Variants in TSC22D1 observed in about 807,000 individuals in gnomAD.
TSC22D1 encodes TSC22 domain family member 1, also known as TSC22 domain family protein 1.
Under a neutral mutation model 74.2 loss-of-function variants are expected in TSC22D1, and 9 were observed. The ratio of observed to expected loss-of-function variants is 0.12; its 90% CI spans 0.07 to 0.21. The LOEUF (loss-of-function observed/expected upper bound fraction) is 0.21, where lower values mean the gene tolerates loss of function less well. Among genes scored for constraint, TSC22D1 ranks in the 10% least tolerant of loss-of-function variants. The probability of loss-of-function intolerance (pLI) is 1.00; values close to 1 mark genes in which losing one functional copy is unlikely to be tolerated. For synonymous variants in TSC22D1, 586 were observed against 492.5 expected (o/e 1.19, Z -2.51); for missense variants, 1,427 against 1,304.7 (o/e 1.09, Z -1.44).
intron 1 of TSC22D1, among the ~76,000 whole-genome samples, chr13:44,499,324 A>AT (rs1443740636): frequency 5.3e-5 from 8 of 152,232 alleles, no homozygotes; most frequent in African/African-American, 1.9e-4. Context: ...GACAATCTGA[A>AT]TGTACCCAGG....
intron 1 of TSC22D1, among the ~76,000 whole-genome samples, chr13:44,558,536 T>TC (rs1882836817): frequency 1.3e-5 from 2 of 152,006 alleles, no homozygotes; most frequent in Admixed American, 1.3e-4. Flanking sequence ...GCTCAGAAGT[T>TC]CAAGACCAGC....
intron 1 of TSC22D1, among the ~76,000 whole-genome samples, chr13:44,520,677 A>G (rs377051638): frequency 6.6e-6 from 1 of 152,212 alleles, no homozygotes. Context: ...GATATAGAGC[A>G]TAGGTGAAGC....
At chr13:44,451,088 G>A (rs1876092141) in intron 1 of TSC22D1, among the ~76,000 whole-genome samples, 1 of 152,208 alleles carries the variant, frequency 6.6e-6, no homozygotes. Context: ...GGGAAATGAA[G>A]AGATCAGGTC....
intron 1 of TSC22D1, among the ~76,000 whole-genome samples, chr13:44,560,876 C>T (rs1298357957): frequency 6.6e-6 from 1 of 152,162 alleles, no homozygotes; most frequent in Non-Finnish European, 1.5e-5. Context: ...AAATTTCTAA[C>T]TCCTACCTTC....
Position 44,432,435 on chromosome 13 carries a change from A to G in TSC22D1, c.*2191T>C, listed in dbSNP as rs2138831974. On this transcript the variant is annotated 3_prime_UTR_variant, in exon 3 of 3. Coordinates refer to ENST00000458659, the MANE Select transcript of TSC22D1 (RefSeq NM_183422.4). ...ATTACTACGTAAGTATTCCTTTATT[A>G]AATTTGAAGTTATATAACCAACAAG... is the stretch of plus-strand genomic sequence containing the variant. The G allele has an allele frequency of 6.6e-6, 1 of 152,362 alleles. No homozygotes were observed. The highest frequency in any genetic ancestry group is 3.4e-3 in the Middle Eastern group (1 of 294). 9.4% of individuals were successfully genotyped at this position (152,362 alleles called of 1,614,324 possible). A position where few individuals can be genotyped will look rare whatever the true frequency, so the allele number is the denominator to read the frequency against.
chr13:44,540,075 T>C, intron 1 of TSC22D1: 1 of 441,952 alleles, frequency 2.3e-6, no homozygotes, highest in Non-Finnish European at 3.9e-6. Context: ...ATTTGAATTT[T>C]AGAAGTCTGT....
rs990130158 is a variant in TSC22D1, at chr13:44,454,903, G to A, written c.2913-18808C>T. 5.3e-5 allele frequency among the ~76,000 whole-genome samples: 8 copies of A among 152,180 alleles called. No individual in the cohort carries two copies. The Middle Eastern group carries it at 0.014, about 259-fold the overall frequency. Reference sequence around the variant, plus strand: ...TAATCTTCAGTCCCTTGAAAGACTGGTTATCACTGGAAATAGTTTTTTTTT... The same window carrying A: ...TAATCTTCAGTCCCTTGAAAGACTGATTATCACTGGAAATAGTTTTTTTTT... On this transcript the variant is annotated intron_variant, in intron 1 of 2. Coordinates refer to ENST00000458659, the MANE Select transcript of TSC22D1 (RefSeq NM_183422.4).
chr13:44,576,093 C>A lies in TSC22D1; in HGVS notation c.-19G>T. The A allele has an allele frequency of 1.3e-6, 2 of 1,505,900 alleles. No individual in the cohort carries two copies. The highest frequency in any genetic ancestry group is 1.8e-6 in the Non-Finnish European group (2 of 1,133,088). The allele number at this position is 1,505,900 out of a possible 1,614,324, so 93.3% of individuals were successfully genotyped here. A position where few individuals can be genotyped will look rare whatever the true frequency, so the allele number is the denominator to read the frequency against. ...GGTGCATTGTGTTGGGTACCGGGGG[C>A]GCGGAGGAGACGAGTGCAATTTCCT... On this transcript the variant is annotated 5_prime_UTR_variant, in exon 1 of 3. Coordinates refer to ENST00000458659, the MANE Select transcript of TSC22D1 (RefSeq NM_183422.4).
intron 1 of TSC22D1, among the ~76,000 whole-genome samples, chr13:44,563,218 G>A (rs1176802349): frequency 6.6e-6 from 1 of 151,988 alleles, no homozygotes; most frequent in Non-Finnish European, 1.5e-5. Context: ...ATTGGGTTTT[G>A]GGGTTGTTAC....
chr13:44,499,261 C>A (rs1045765007), intron 1 of TSC22D1, among the ~76,000 whole-genome samples: 1 of 152,166 alleles, frequency 6.6e-6, no homozygotes, highest in African/African-American at 2.4e-5. Flanking sequence ...AGAAAGTATT[C>A]TCTACTCTTT....
In TSC22D1 at chr13:44,566,653, T is replaced by G. The variant is rs112961841; in HGVS notation, c.2912+6510A>C. Among the ~76,000 whole-genome samples the G allele has an allele frequency of 3.0e-4, 46 of 152,300 alleles. 1 individual carries two copies. Among genetic ancestry groups the G allele is most frequent in the African/African-American group, 1.1e-3 (46 of 41,560 alleles). On this transcript the variant is annotated intron_variant, in intron 1 of 2. Transcript: ENST00000458659. Reference sequence around the variant, plus strand: ...ATACTAAACACACACATCTATTTTTTCACTCCTTCCCTAAAACCCCACTAA... The same window carrying G: ...ATACTAAACACACACATCTATTTTTGCACTCCTTCCCTAAAACCCCACTAA...
In TSC22D1 at chr13:44,574,469, G is replaced by A. The variant is rs765538092; in HGVS notation, c.1606C>T (p.Pro536Ser). The A allele has an allele frequency of 1.2e-6, 2 of 1,613,990 alleles. No homozygotes were observed. Among genetic ancestry groups the A allele is most frequent in the South Asian group, 2.2e-5 (2 of 91,078 alleles). The change falls in exon 1 of 3, where the codon CCA becomes TCA. Residue 536 changes from proline to serine, a missense_variant. Transcript: ENST00000458659. ...GPQSIPAVSIPQSISQSQISQ... is the reference protein window; with the variant it reads ...GPQSIPAVSISQSISQSQISQ... ...ATCTGTGACTGAGAAATACTCTGTG[G>A]TATACTAACTGCTGGAATACTCTGT...
chr13:44,510,603 G>C (rs1879671206), intron 1 of TSC22D1, among the ~76,000 whole-genome samples: 1 of 152,008 alleles, frequency 6.6e-6, no homozygotes, highest in African/African-American at 2.4e-5. Context: ...GTTTTGTTTT[G>C]TTTTGTTTGG....
At chr13:44,565,671 A>G (rs982933202) in intron 1 of TSC22D1, among the ~76,000 whole-genome samples, 1 of 152,182 alleles carries the variant, frequency 6.6e-6, no homozygotes, top group Non-Finnish European at 1.5e-5. Context: ...CTAATACTGC[A>G]GCATCAGAAC....
chr13:44,488,838 A>G (rs1361162181), intron 1 of TSC22D1, among the ~76,000 whole-genome samples: 1 of 152,194 alleles, frequency 6.6e-6, no homozygotes, highest in Non-Finnish European at 1.5e-5. Flanking sequence ...AAATAAACAG[A>G]GAAATTCAAT....
At chr13:44,465,779 C>T (rs1014912302) in intron 1 of TSC22D1, among the ~76,000 whole-genome samples, 3 of 152,136 alleles carry the variant, frequency 2.0e-5, no homozygotes, top group African/African-American at 7.2e-5. Context: ...TCAAGACCAG[C>T]CTGGCCAACG....
At chr13:44,565,970 GAAAA>G (rs951624945) in intron 1 of TSC22D1, among the ~76,000 whole-genome samples, 37 of 152,024 alleles carry the variant, frequency 2.4e-4, no homozygotes, top group African/African-American at 8.2e-4. Flanking sequence ...AGTTTCAAAA[GAAAA>G]AATAAATAAA....
chr13:44,461,346 A>G (rs1240039180), intron 1 of TSC22D1, among the ~76,000 whole-genome samples: 1 of 152,196 alleles, frequency 6.6e-6, no homozygotes, highest in Admixed American at 6.5e-5. Context: ...ACCTGTGGTA[A>G]GCATTGTGAC....
At chr13:44,512,265 G>A (rs927379824) in intron 1 of TSC22D1, among the ~76,000 whole-genome samples, 2 of 152,130 alleles carry the variant, frequency 1.3e-5, no homozygotes, top group African/African-American at 2.4e-5. Flanking sequence ...CGCCTCCCAG[G>A]TTCACGCCAT....
Sources: allele counts gnomAD v4.1 joint callset (sites outside exome capture counted in the v4.1 genomes callset), GRCh38; gene constraint gnomAD v4.1.1; transcripts MANE v1.5; gene names NCBI Gene and HGNC (gene_info 2026-07-23, HGNC 2026-07-21).